SLC41A3: variants seen among roughly 807,000 people sequenced by gnomAD.
The protein encoded by SLC41A3 is solute carrier family 41 member 3.
A neutral mutation model predicts 45.4 loss-of-function variants in SLC41A3; 44 were observed. The observed-to-expected ratio is 0.97, with a 90% CI of 0.76 to 1.25. The LOEUF (loss-of-function observed/expected upper bound fraction) is 1.25. SLC41A3 is among the 50% of genes most tolerant of loss of function. SLC41A3 has a pLI of 0.00. For missense variants in SLC41A3, 550 were observed against 600.6 expected (o/e 0.92, Z 0.88); for synonymous variants, 256 against 252.4 (o/e 1.01, Z -0.13).
intron 2 of SLC41A3, chr3:126,056,549 C>T (rs774474829): frequency 6.2e-7 from 1 of 1,613,326 alleles, no homozygotes; most frequent in Admixed American, 1.7e-5. Flanking sequence ...TGGGTGACCA[C>T]CATGGCCAGG....
intron 3 of SLC41A3, among the ~76,000 whole-genome samples, chr3:126,038,166 G>A (rs1003285420): frequency 3.3e-5 from 5 of 152,228 alleles, no homozygotes; most frequent in African/African-American, 9.6e-5. Context: ...ATAGAAGCCT[G>A]CCACTGGGGC....
At chr3:126,090,898 C>T (rs901808303) in intron 1 of SLC41A3, among the ~76,000 whole-genome samples, 7 of 152,306 alleles carry the variant, frequency 4.6e-5, no homozygotes, top group East Asian at 1.9e-4. Context: ...TGCCCTCTTC[C>T]GGCCTTTATC....
At chr3:126,060,627 A>G (rs4234269) in intron 2 of SLC41A3, among the ~76,000 whole-genome samples, 151,218 of 152,352 alleles carry the variant, frequency 0.99, 75,057 homozygotes, top group Middle Eastern at 1. Context: ...TAATGTAACT[A>G]TATAAGAAAA....
chr3:126,069,551 T>G (rs1339352776), intron 1 of SLC41A3, among the ~76,000 whole-genome samples: 1 of 152,114 alleles, frequency 6.6e-6, no homozygotes. Flanking sequence ...TCACGTTATA[T>G]ACTGTTAAAG....
intron 1 of SLC41A3, among the ~76,000 whole-genome samples, chr3:126,093,931 G>A (rs1400965694): frequency 6.6e-6 from 1 of 152,142 alleles, no homozygotes; most frequent in Non-Finnish European, 1.5e-5. Flanking sequence ...TACAGCACTG[G>A]CCGTCTGCGT....
intron 1 of SLC41A3, among the ~76,000 whole-genome samples, chr3:126,099,080 A>G (rs1370129658): frequency 6.6e-6 from 1 of 151,892 alleles, no homozygotes; most frequent in Non-Finnish European, 1.5e-5. Flanking sequence ...TTTTATGTTA[A>G]GTATGTTTTC....
chr3:126,053,554 C>A (rs1363909296), intron 2 of SLC41A3, among the ~76,000 whole-genome samples: 1 of 152,098 alleles, frequency 6.6e-6, no homozygotes. Flanking sequence ...CAGAGATAAT[C>A]AGTGTCTTTG....
In SLC41A3 at chr3:126,022,818, G is replaced by T. The variant is rs1487368387; in HGVS notation, c.713C>A (p.Ala238Asp). The T allele has an allele frequency of 6.2e-7, 1 of 1,614,234 alleles. No individual in the cohort carries two copies. The highest frequency in any genetic ancestry group is 8.5e-7 in the Non-Finnish European group (1 of 1,180,042). The change falls in exon 6 of 11, where the codon GCT becomes GAT. Residue 238 changes from alanine (A) to aspartate (D), a missense_variant. Transcript: ENST00000360370. ...LGDLITLSIL[A>D]LVSSFFYRHK... Reference sequence around the variant, plus strand: ...TCTGTAGAAGAAGCTGCTAACCAAAGCCAGAATGGACAGTGTGATGAGGTC... The same window carrying T: ...TCTGTAGAAGAAGCTGCTAACCAAATCCAGAATGGACAGTGTGATGAGGTC...
intron 2 of SLC41A3, among the ~76,000 whole-genome samples, chr3:126,051,269 A>C (rs1194191121): frequency 6.6e-6 from 1 of 152,248 alleles, no homozygotes; most frequent in African/African-American, 2.4e-5. Flanking sequence ...CCGTAAGCAC[A>C]CTGGGGGCTG....
intron 2 of SLC41A3, among the ~76,000 whole-genome samples, chr3:126,053,384 G>GA (rs1231275269): frequency 2.0e-5 from 3 of 152,124 alleles, no homozygotes; most frequent in Non-Finnish European, 2.9e-5. Context: ...TGGAACTGCG[G>GA]AAAAAAATCA....
Position 126,016,931 on chromosome 3 carries a change from G to C in SLC41A3, c.746-56C>G, listed in dbSNP as rs193295952. Reference sequence around the variant, plus strand: ...ATGTGGCCAAGGCCAGCACACACAGGCTGGGCCTGGGTTTCACAAATGAGA... The same window carrying C: ...ATGTGGCCAAGGCCAGCACACACAGCCTGGGCCTGGGTTTCACAAATGAGA... On this transcript the variant is annotated intron_variant, in intron 6 of 10. Coordinates refer to ENST00000360370, the MANE Select transcript of SLC41A3 (RefSeq NM_017836.4). The C allele has an allele frequency of 1.5e-3, 2,358 of 1,590,210 alleles. 5 individuals are homozygous for C. Among genetic ancestry groups the C allele is most frequent in the Admixed American group, 2.4e-3 (137 of 56,760 alleles).
At chr3:126,029,140 G>C (rs1941600243) in intron 4 of SLC41A3, among the ~76,000 whole-genome samples, 1 of 152,180 alleles carries the variant, frequency 6.6e-6, no homozygotes, top group Non-Finnish European at 1.5e-5. Context: ...ATTATATTTT[G>C]CAATGTGAGA....
intron 2 of SLC41A3, among the ~76,000 whole-genome samples, chr3:126,063,320 G>T (rs1278277547): frequency 6.6e-6 from 1 of 151,996 alleles, no homozygotes; most frequent in Admixed American, 6.5e-5. Context: ...GGGCCTCTTG[G>T]CTACCCAAGG....
intron 3 of SLC41A3, among the ~76,000 whole-genome samples, chr3:126,045,733 T>C (rs1942917360): frequency 6.6e-6 from 1 of 152,078 alleles, no homozygotes; most frequent in Non-Finnish European, 1.5e-5. Flanking sequence ...CCCAAAGAAT[T>C]GAAGAGGGAG....
intron 2 of SLC41A3, among the ~76,000 whole-genome samples, chr3:126,059,494 G>A (rs1943944168): frequency 6.6e-6 from 1 of 152,096 alleles, no homozygotes; most frequent in African/African-American, 2.4e-5. Context: ...ATTTCTCAGA[G>A]CTCTCTCACA....
chr3:126,021,178 G>A (rs958306859), intron 6 of SLC41A3, among the ~76,000 whole-genome samples: 1 of 152,208 alleles, frequency 6.6e-6, no homozygotes, highest in Non-Finnish European at 1.5e-5. Context: ...ACAGGCGTGA[G>A]CCACCGCGCC....
intron 6 of SLC41A3, among the ~76,000 whole-genome samples, chr3:126,020,980 C>T (rs190300246): frequency 6.6e-5 from 10 of 151,784 alleles, no homozygotes; most frequent in African/African-American, 1.9e-4. Flanking sequence ...CTGCAAGCTT[C>T]GCCTCCCAGG....
At chr3:126,021,399 T>C (rs770498267) in intron 6 of SLC41A3, among the ~76,000 whole-genome samples, 1 of 152,192 alleles carries the variant, frequency 6.6e-6, no homozygotes. Context: ...GAAGGTCATA[T>C]ACCAGTTAAA....
intron 1 of SLC41A3, among the ~76,000 whole-genome samples, chr3:126,101,180 G>C (rs961704088): frequency 2.6e-5 from 4 of 152,220 alleles, no homozygotes; most frequent in Non-Finnish European, 5.9e-5. Context: ...GCCAGCCCGG[G>C]GAGGGAAAGG....
Sources: gnomAD v4.1 joint callset for allele counts (sites outside exome capture counted in the v4.1 genomes callset) on GRCh38, gnomAD v4.1.1 for gene constraint, MANE v1.5 for transcripts, NCBI Gene and HGNC (gene_info 2026-07-23, HGNC 2026-07-21) for gene names.